EVI5: variants seen among roughly 807,000 people sequenced by gnomAD.
EVI5 encodes the protein ecotropic viral integration site 5.
Under a neutral mutation model 112.0 loss-of-function variants are expected in EVI5, and 73 were observed. The observed-to-expected ratio is 0.65, with a 90% CI of 0.54 to 0.79. EVI5 has a LOEUF of 0.79. EVI5 is among the 30% of genes least tolerant of loss of function. The pLI is 0.00. For synonymous variants in EVI5, 305 were observed against 319.9 expected, an observed-to-expected ratio of 0.95 and a Z score of 0.50; for missense variants, 900 against 968.8, an observed-to-expected ratio of 0.93 and a Z score of 0.94.
Position 92,625,222 on chromosome 1 carries a change from G to A in EVI5, c.1668+572C>T, listed in dbSNP as rs911863675. Reference sequence around the variant, plus strand: ...TGTCTTTTTTGTTTTAAAATTTCAAGTTTATTGCAATCTGATACTTTGTCA... The same window carrying A: ...TGTCTTTTTTGTTTTAAAATTTCAAATTTATTGCAATCTGATACTTTGTCA... On this transcript the variant is annotated intron_variant, in intron 15 of 19. Coordinates refer to ENST00000684568, the MANE Select transcript of EVI5 (RefSeq NM_001350197.2). Among the ~76,000 whole-genome samples the A allele has an allele frequency of 2.6e-5, 4 of 152,080 alleles. No homozygotes were observed. In the East Asian group the frequency reaches 5.8e-4, roughly 22 times the overall value.
At chr1:92,616,995 C>T (rs879560462) in intron 16 of EVI5, among the ~76,000 whole-genome samples, 8 of 152,204 alleles carry the variant, frequency 5.3e-5, no homozygotes, top group Non-Finnish European at 1.0e-4. Flanking sequence ...GGTCTCCACT[C>T]CTGCCACCCT....
At chr1:92,613,114 G>T (rs1290487620) in intron 16 of EVI5, among the ~76,000 whole-genome samples, 8 of 152,104 alleles carry the variant, frequency 5.3e-5, no homozygotes, top group Non-Finnish European at 1.2e-4. Flanking sequence ...CATCTGTGTG[G>T]ATCAGGGCCA....
At chr1:92,661,237 G>T (rs1340633783) in intron 13 of EVI5, among the ~76,000 whole-genome samples, 1 of 151,986 alleles carries the variant, frequency 6.6e-6, no homozygotes, top group Non-Finnish European at 1.5e-5. Context: ...AAACTTTGAA[G>T]AATTCATAAA....
At chr1:92,609,203 C>T (rs1474332934) in intron 16 of EVI5, among the ~76,000 whole-genome samples, 2 of 152,166 alleles carry the variant, frequency 1.3e-5, no homozygotes, top group Non-Finnish European at 2.9e-5. Flanking sequence ...TCTAACTTCT[C>T]ATTTAACAGT....
In EVI5 at chr1:92,722,410, A is replaced by T. The variant is rs188822651; in HGVS notation, c.149+13988T>A. The stretch of plus-strand genomic sequence containing the variant: ...TACATGAGCCATGTTGGTGTGCTGC[A>T]CCCATTACCTCGTCATTTAGCATTA... On this transcript the variant is annotated intron_variant, in intron 2 of 19. Coordinates refer to ENST00000684568, the MANE Select transcript of EVI5 (RefSeq NM_001350197.2). 9.0e-4 allele frequency among the ~76,000 whole-genome samples: 136 copies of T among 151,810 alleles called. 1 individual carries two copies. The highest frequency in any genetic ancestry group is 1.8e-3 in the Non-Finnish European group (119 of 67,924).
intron 1 of EVI5, among the ~76,000 whole-genome samples, chr1:92,774,350 T>C (rs949464582): frequency 1.3e-5 from 2 of 152,198 alleles, no homozygotes; most frequent in South Asian, 2.1e-4. Context: ...TACACTTTTA[T>C]ACAGTATCTG....
At chr1:92,661,783 T>G (rs1452680165) in intron 13 of EVI5, among the ~76,000 whole-genome samples, 1 of 152,158 alleles carries the variant, frequency 6.6e-6, no homozygotes, top group East Asian at 1.9e-4. Context: ...ATGACGATGC[T>G]GTTTCTTAAT....
chr1:92,754,528 G>A (rs894248994), intron 1 of EVI5, among the ~76,000 whole-genome samples: 16 of 97,702 alleles, frequency 1.6e-4, no homozygotes, highest in Admixed American at 4.6e-4. Context: ...TCATGAGCTT[G>A]CAGACAAGAT....
At chr1:92,716,824 T>A (rs1167097726) in intron 2 of EVI5, among the ~76,000 whole-genome samples, 2 of 139,024 alleles carry the variant, frequency 1.4e-5, no homozygotes, top group Non-Finnish European at 3.1e-5. Context: ...ACATGACGCA[T>A]GCACAAGCTT....
chr1:92,742,342 G>C (rs373524889), intron 1 of EVI5, among the ~76,000 whole-genome samples: 1 of 151,816 alleles, frequency 6.6e-6, no homozygotes, highest in Non-Finnish European at 1.5e-5. Flanking sequence ...CTATAGGCAC[G>C]AGCCACTGTG....
intron 9 of EVI5, among the ~76,000 whole-genome samples, chr1:92,690,158 G>A (rs922909862): frequency 6.6e-6 from 1 of 152,124 alleles, no homozygotes; most frequent in Non-Finnish European, 1.5e-5. Flanking sequence ...TATTGTGGGT[G>A]TGAGCCACCA....
rs539968062 is a variant in EVI5 at position 92,619,970 on chromosome 1, T to C, written c.1827+4206A>G. The stretch of plus-strand genomic sequence containing the variant: ...CAAAACGAACAGAGCAACCAAGAGT[T>C]GTTAGACAACCTTGAACAATCTAAC... On this transcript the variant is annotated intron_variant, in intron 16 of 19. Coordinates refer to ENST00000684568, the MANE Select transcript of EVI5 (RefSeq NM_001350197.2). Among the ~76,000 whole-genome samples, 38 of 152,250 alleles carry C rather than the reference T, an allele frequency of 2.5e-4. 1 individual carries two copies. The highest frequency in any genetic ancestry group is 8.9e-4 in the African/African-American group (37 of 41,554).
chr1:92,631,634 AAT>A (rs1469965223), intron 14 of EVI5, among the ~76,000 whole-genome samples: 7 of 152,154 alleles, frequency 4.6e-5, no homozygotes, highest in African/African-American at 1.7e-4. Flanking sequence ...AAACAGGGAC[AAT>A]TTGACTTCCT....
At chr1:92,522,205 A>C (rs1661046468) in intron 19 of EVI5, among the ~76,000 whole-genome samples, 2 of 152,180 alleles carry the variant, frequency 1.3e-5, no homozygotes, top group Non-Finnish European at 2.9e-5. Flanking sequence ...TTCTGAACTC[A>C]CAGTTCTTCA....
upstream of EVI5, among the ~76,000 whole-genome samples, chr1:92,786,637 T>TA (rs1685660021): frequency 6.6e-6 from 1 of 152,214 alleles, no homozygotes; most frequent in South Asian, 2.1e-4. Flanking sequence ...TCTTGTGGTT[T>TA]ACCCATATTC....
chr1:92,565,324 C>T (rs1262376971), intron 18 of EVI5, among the ~76,000 whole-genome samples: 1 of 152,188 alleles, frequency 6.6e-6, no homozygotes, highest in African/African-American at 2.4e-5. Flanking sequence ...GCTATTATCT[C>T]TCAATAATAC....
intron 1 of EVI5, among the ~76,000 whole-genome samples, chr1:92,766,476 T>C (rs986717194): frequency 6.6e-6 from 1 of 152,130 alleles, no homozygotes; most frequent in African/African-American, 2.4e-5. Context: ...GTATACACAA[T>C]ATATCGAGCA....
chr1:92,561,555 CT>C (rs1312787846), intron 19 of EVI5, among the ~76,000 whole-genome samples: 12 of 77,222 alleles, frequency 1.6e-4, no homozygotes, highest in Admixed American at 1.3e-3. Context: ...ATGAGACTGA[CT>C]ATCTATCTAT....
rs760963829 is a variant in EVI5 at position 92,624,236 on chromosome 1, T to A, written c.1767A>T (p.Glu589Asp). 6 of 1,613,696 alleles carry A rather than the reference T, an allele frequency of 3.7e-6. No homozygotes were observed. In the African/African-American group the frequency reaches 8.0e-5, roughly 22 times the overall value. ...CTCTTATTTCTGCTTGTGTTTCAGC[T>A]TCTCTAAGTCGAATGGTCATCAGTT... The part of the protein sequence containing the change: ...QDELMTIRLR[E>D]AETQAEIREI... The change falls in exon 16 of 20, where the codon GAA (glutamate) becomes GAT (aspartate). Residue 589 changes from glutamate to aspartate, a missense_variant. Glu to Asp is a conservative substitution (Grantham distance 45, BLOSUM62 2). Coordinates refer to ENST00000684568, the MANE Select transcript of EVI5 (RefSeq NM_001350197.2).
Sources: allele counts gnomAD v4.1 joint callset (sites outside exome capture counted in the v4.1 genomes callset), GRCh38; gene constraint gnomAD v4.1.1; transcripts MANE v1.5; gene names NCBI Gene and HGNC (gene_info 2026-07-23, HGNC 2026-07-21).